Variants in MGAT4C observed in about 807,000 individuals in gnomAD.
The protein encoded by MGAT4C is MGAT4 family member C, also known as alpha-1,3-mannosyl-glycoprotein 4-beta-N-acetylglucosaminyltransferase C.
MGAT4C carries 19 observed loss-of-function variants against 40.1 expected under a neutral mutation model. That is an observed-to-expected ratio of 0.47 (90% CI 0.33 to 0.70). MGAT4C has a LOEUF of 0.70. Ranked by LOEUF, MGAT4C falls within the 30% of genes least tolerant of loss-of-function variation. The pLI is 0.02. For synonymous variants in MGAT4C, 181 were observed against 187.1 expected (o/e 0.97, Z 0.27); for missense variants, 491 against 563.2 (o/e 0.87, Z 1.30).
intron 2 of MGAT4C, among the ~76,000 whole-genome samples, chr12:86,559,504 T>G (rs1959766198): frequency 6.6e-6 from 1 of 151,776 alleles, no homozygotes; most frequent in African/African-American, 2.4e-5. Flanking sequence ...CAAGAAAAAC[T>G]TTAAAAACTG....
At chr12:86,364,287 T>C (rs1053165182) in intron 3 of MGAT4C, among the ~76,000 whole-genome samples, 1 of 152,076 alleles carries the variant, frequency 6.6e-6, no homozygotes, top group African/African-American at 2.4e-5. Context: ...ACAATATCCC[T>C]CATGAACATA....
chr12:86,298,023 AC>A lies in MGAT4C; in HGVS notation c.-57+36041del, dbSNP rs1414993110. 1.8e-4 allele frequency among the ~76,000 whole-genome samples: 28 copies of A among 152,198 alleles called. 1 individual carries two copies. The highest frequency in any genetic ancestry group is 1.8e-3 in the Admixed American group (28 of 15,280). On this transcript the variant is annotated intron_variant, in intron 4 of 7. Transcript: ENST00000548651. ...TTGATAGGTTGTTATATAAATACAT[AC>A]ATGCATAAATACATGCACACAACTA...
intron 1 of MGAT4C, among the ~76,000 whole-genome samples, chr12:86,792,474 G>A (rs1343571330): frequency 6.6e-6 from 1 of 151,954 alleles, no homozygotes; most frequent in Non-Finnish European, 1.5e-5. Flanking sequence ...GGTATATCCA[G>A]CTAACATATA....
At chr12:86,344,227 T>G (rs969120903) in intron 3 of MGAT4C, among the ~76,000 whole-genome samples, 1 of 152,176 alleles carries the variant, frequency 6.6e-6, no homozygotes, top group Non-Finnish European at 1.5e-5. Flanking sequence ...ATGGACTCAA[T>G]ACATTTAAAA....
At position 86,774,329 on chromosome 12, in the gene MGAT4C, T is replaced by TTCTTTCTTTCTTTCTTTCTTTTCTTTCTC. The variant is rs1174701855; in HGVS notation, c.-261-47089_-261-47088insGAGAAAGAAAAGAAAGAAAGAAAGAAAGA. On this transcript the variant is annotated intron_variant, in intron 1 of 7. Coordinates refer to the MGAT4C transcript ENST00000548651. Reference sequence around the variant, plus strand: ...TTTCTTTCTTTCTTTCTTTCTTTCTTTCTTTCTTTCTGTCTCTCTCTCTCC... The same window carrying TTCTTTCTTTCTTTCTTTCTTTTCTTTCTC: ...TTTCTTTCTTTCTTTCTTTCTTTCTTTCTTTCTTTCTTTCTTTCTTTTCTTTCTCTCTTTCTTTCTGTCTCTCTCTCTCC... 6.3e-4 allele frequency among the ~76,000 whole-genome samples: 67 copies of TTCTTTCTTTCTTTCTTTCTTTTCTTTCTC among 106,362 alleles called. 6 individuals are homozygous for TTCTTTCTTTCTTTCTTTCTTTTCTTTCTC. The highest frequency in any genetic ancestry group is 8.8e-4 in the Non-Finnish European group (45 of 51,316). 69.8% of individuals were successfully genotyped at this position (106,362 alleles called of 152,430 possible).
chr12:86,340,989 A>G (rs1954894341), intron 3 of MGAT4C, among the ~76,000 whole-genome samples: 1 of 152,224 alleles, frequency 6.6e-6, no homozygotes, highest in Non-Finnish European at 1.5e-5. Context: ...TTATAAAAAA[A>G]TATAAAAGTG....
At chr12:86,290,285 C>T (rs1414196456) in intron 4 of MGAT4C, among the ~76,000 whole-genome samples, 2 of 152,238 alleles carry the variant, frequency 1.3e-5, no homozygotes, top group African/African-American at 2.4e-5. Context: ...GATCTGGCTG[C>T]CTCAGCCTAC....
intron 2 of MGAT4C, among the ~76,000 whole-genome samples, chr12:86,489,312 C>T (rs1224909987): frequency 6.6e-6 from 1 of 152,152 alleles, no homozygotes; most frequent in African/African-American, 2.4e-5. Flanking sequence ...TTTCATCACC[C>T]AGTAAAATTC....
chr12:86,053,430 AAC>A (rs1442296689), intron 1 of MGAT4C, among the ~76,000 whole-genome samples: 3 of 151,882 alleles, frequency 2.0e-5, no homozygotes, highest in Non-Finnish European at 4.4e-5. Flanking sequence ...GCAGTATTCA[AAC>A]ACAGAAGAGC....
intron 3 of MGAT4C, among the ~76,000 whole-genome samples, chr12:86,428,397 C>T (rs1448978379): frequency 1.3e-5 from 2 of 152,120 alleles, no homozygotes; most frequent in Admixed American, 1.3e-4. Flanking sequence ...CTCTGAAAAG[C>T]AGGGCTCAGT....
At chr12:86,236,995 AAT>A (rs1266878003) in intron 1 of MGAT4C, among the ~76,000 whole-genome samples, 11 of 150,358 alleles carry the variant, frequency 7.3e-5, no homozygotes, top group Non-Finnish European at 1.3e-4. Flanking sequence ...ATGATATATA[AAT>A]ATATGTTAAT....
At chr12:86,632,263 C>T (rs1009423566) in intron 2 of MGAT4C, among the ~76,000 whole-genome samples, 7 of 152,040 alleles carry the variant, frequency 4.6e-5, no homozygotes. Flanking sequence ...ACAACAGGTG[C>T]TGGATAGGAT....
chr12:86,450,362 T>C (rs1199313136), intron 2 of MGAT4C, among the ~76,000 whole-genome samples: 6 of 152,198 alleles, frequency 3.9e-5, no homozygotes, highest in Non-Finnish European at 8.8e-5. Flanking sequence ...CTTACTAATC[T>C]GTATAAATGT....
At chr12:86,739,415 A>C (rs1354259579) in intron 1 of MGAT4C, among the ~76,000 whole-genome samples, 5 of 150,986 alleles carry the variant, frequency 3.3e-5, no homozygotes, top group Non-Finnish European at 5.9e-5. Context: ...AATAACATCC[A>C]AACTAAATAA....
intron 4 of MGAT4C, among the ~76,000 whole-genome samples, chr12:86,319,739 C>G (rs922019167): frequency 6.6e-6 from 1 of 152,038 alleles, no homozygotes; most frequent in African/African-American, 2.4e-5. Flanking sequence ...TGAAATGTTT[C>G]TTGTCAAGTT....
At chr12:86,424,765 C>T (rs1057484861) in intron 3 of MGAT4C, among the ~76,000 whole-genome samples, 1 of 151,966 alleles carries the variant, frequency 6.6e-6, no homozygotes, top group African/African-American at 2.4e-5. Context: ...AATATATATA[C>T]ATACATATTT....
intron 2 of MGAT4C, among the ~76,000 whole-genome samples, chr12:86,454,164 C>A (rs76766635): frequency 0.011 from 1,707 of 152,202 alleles, 26 homozygotes; most frequent in African/African-American, 0.039. Flanking sequence ...AATTAGAGCA[C>A]AGAGCTACTA....
At chr12:86,793,154 A>AT (rs1050999195) in intron 1 of MGAT4C, among the ~76,000 whole-genome samples, 5 of 151,992 alleles carry the variant, frequency 3.3e-5, no homozygotes, top group African/African-American at 7.3e-5. Flanking sequence ...TTGGATAGTG[A>AT]TTTTTTTATT....
At chr12:86,732,155 A>C (rs1950921033) in intron 1 of MGAT4C, among the ~76,000 whole-genome samples, 1 of 152,220 alleles carries the variant, frequency 6.6e-6, no homozygotes, top group African/African-American at 2.4e-5. Flanking sequence ...GGTGGAAACC[A>C]GTATCAGCAT....
Sources: allele counts gnomAD v4.1 joint callset (sites outside exome capture counted in the v4.1 genomes callset), GRCh38; gene constraint gnomAD v4.1.1; transcripts MANE v1.5; gene names NCBI Gene and HGNC (gene_info 2026-07-23, HGNC 2026-07-21).